The following DNAH9 variants were observed in gnomAD, a reference collection of about 807,000 sequenced individuals.
The protein encoded by DNAH9 is dynein axonemal heavy chain 9.
Under a neutral mutation model 471.6 loss-of-function variants are expected in DNAH9, and 345 were observed. The observed-to-expected ratio is 0.73, with a 90% CI of 0.67 to 0.80. The LOEUF (loss-of-function observed/expected upper bound fraction) is 0.80. Among genes scored for constraint, DNAH9 ranks in the 30% least tolerant of loss-of-function variants. The pLI is 0.00. For synonymous variants in DNAH9, 2,093 were observed against 2,123.6 expected (o/e 0.99, Z 0.40); for missense variants, 5,407 against 5,609.2 (o/e 0.96, Z 1.15).
chr17:11,818,880 T>C (rs1006808621), intron 45 of DNAH9, among the ~76,000 whole-genome samples: 4 of 125,114 alleles, frequency 3.2e-5, no homozygotes, highest in African/African-American at 1.2e-4. Context: ...CTGTCTCCAT[T>C]ATTACTATTA....
Position 11,967,493 on chromosome 17 carries a change from T to C in DNAH9, c.13234-1807T>C, listed in dbSNP as rs1011350378. Among the ~76,000 whole-genome samples the C allele has an allele frequency of 4.6e-5, 7 of 152,276 alleles. No individual in the cohort carries two copies. The East Asian group carries it at 9.6e-4, about 21-fold the overall frequency. On this transcript the variant is annotated intron_variant, in intron 68 of 68. Transcript: ENST00000262442. ...GAAATTAAAATGATACACTAGCGTA[T>C]ATCTGGTAATACAAGAGAAGACAGT... is the stretch of plus-strand genomic sequence containing the variant.
chr17:11,919,339 C>G (rs1485418212), intron 61 of DNAH9, among the ~76,000 whole-genome samples: 1 of 151,088 alleles, frequency 6.6e-6, no homozygotes, highest in East Asian at 2.0e-4. Context: ...ACTAAAAATA[C>G]AAAAAATTAG....
Position 11,966,999 on chromosome 17 carries a change from C to T in DNAH9, c.13234-2301C>T, listed in dbSNP as rs1377113747. 9.9e-5 allele frequency among the ~76,000 whole-genome samples: 14 copies of T among 141,260 alleles called. 1 individual carries two copies. Among genetic ancestry groups the T allele is most frequent in the African/African-American group, 1.9e-4 (7 of 37,422 alleles). 92.7% of individuals were successfully genotyped at this position (141,260 alleles called of 152,430 possible). A position where few individuals can be genotyped will look rare whatever the true frequency, so the allele number is the denominator to read the frequency against. On this transcript the variant is annotated intron_variant, in intron 68 of 68. Coordinates refer to ENST00000262442, the MANE Select transcript of DNAH9 (RefSeq NM_001372.4). ...GCAGTGAGCCGAGATCATGCCATTGCACTCCAGCCTGGGCAACAGAGTGAG... is the reference window on the plus strand; with the variant it reads ...GCAGTGAGCCGAGATCATGCCATTGTACTCCAGCCTGGGCAACAGAGTGAG...
intron 13 of DNAH9, 45 bp from the exon 14 acceptor site, chr17:11,652,716 C>A: frequency 6.3e-7 from 1 of 1,593,384 alleles, no homozygotes; most frequent in Non-Finnish European, 8.6e-7. Context: ...TTTAGCTATG[C>A]CACTGCAGGC....
intron 49 of DNAH9, among the ~76,000 whole-genome samples, chr17:11,852,770 C>A (rs1032693284): frequency 7.6e-6 from 1 of 132,338 alleles, no homozygotes. Flanking sequence ...GCATGGCAAC[C>A]GGCAGTATAT....
chr17:11,906,354 C>T (rs535852604), intron 61 of DNAH9, among the ~76,000 whole-genome samples: 109 of 152,196 alleles, frequency 7.2e-4, no homozygotes, highest in African/African-American at 2.4e-3. Context: ...CGGCTGGGCA[C>T]GGTGGCTGAC....
At chr17:11,883,113 G>A (rs1033916224) in intron 55 of DNAH9, 14 of 988,914 alleles carry the variant, frequency 1.4e-5, no homozygotes, top group African/African-American at 1.0e-4. Context: ...CTTTTACACA[G>A]TCTGCCATGG....
At chr17:11,722,796 G>A (rs756518798) in intron 27 of DNAH9, among the ~76,000 whole-genome samples, 1 of 152,158 alleles carries the variant, frequency 6.6e-6, no homozygotes, top group Non-Finnish European at 1.5e-5. Flanking sequence ...GAAAATGACT[G>A]CAGTTTCAGT....
At chr17:11,625,992 G>A (rs538165323) in intron 6 of DNAH9, among the ~76,000 whole-genome samples, 5 of 152,180 alleles carry the variant, frequency 3.3e-5, no homozygotes, top group African/African-American at 7.2e-5. Context: ...CCCATCTACA[G>A]GTTAGGAAAG....
chr17:11,738,454 C>G (rs1360397683), intron 28 of DNAH9, among the ~76,000 whole-genome samples: 1 of 152,146 alleles, frequency 6.6e-6, no homozygotes, highest in Non-Finnish European at 1.5e-5. Flanking sequence ...GATCTCGGCT[C>G]ACGGCAACCT....
intron 65 of DNAH9, among the ~76,000 whole-genome samples, chr17:11,935,090 G>A (rs1974661867): frequency 6.6e-6 from 1 of 151,466 alleles, no homozygotes; most frequent in Non-Finnish European, 1.5e-5. Context: ...TCAGCCTCCT[G>A]AGTAGCTGGG....
intron 36 of DNAH9, among the ~76,000 whole-genome samples, chr17:11,767,669 G>A (rs1453190760): frequency 6.6e-6 from 1 of 151,212 alleles, no homozygotes; most frequent in African/African-American, 2.5e-5. Context: ...CCAAAGAGTT[G>A]CCAGTAGTAA....
chr17:11,614,686 G>A (rs73975036), intron 4 of DNAH9, among the ~76,000 whole-genome samples: 2,301 of 152,280 alleles, frequency 0.015, 51 homozygotes, highest in African/African-American at 0.052. Context: ...TTGGGTGTCC[G>A]GTGAGGGCCT....
intron 28 of DNAH9, among the ~76,000 whole-genome samples, chr17:11,735,284 C>T (rs1013470962): frequency 2.0e-5 from 3 of 152,040 alleles, no homozygotes; most frequent in Non-Finnish European, 2.9e-5. Context: ...CACTGAATGC[C>T]GACAGCAACC....
At chr17:11,645,873 CTTTTTCTTT>C (rs200906943) in intron 11 of DNAH9, among the ~76,000 whole-genome samples, 36,077 of 138,314 alleles carry the variant, frequency 0.26, 4,789 homozygotes, top group Middle Eastern at 0.35. Context: ...TTCTCTTTTT[CTTTTTCTTT>C]TTTTTTTTTT....
chr17:11,968,128 G>A lies in DNAH9; in HGVS notation c.13234-1172G>A, dbSNP rs60344377. On this transcript the variant is annotated intron_variant, in intron 68 of 68. Transcript: ENST00000262442. Reference sequence around the variant, plus strand: ...TTAGAATTAGACAGTGATAATGATCGTACAACTTTGTCAACACACCAAAAA... The same window carrying A: ...TTAGAATTAGACAGTGATAATGATCATACAACTTTGTCAACACACCAAAAA... Among the ~76,000 whole-genome samples, 1,022 of 152,202 alleles carry A rather than the reference G, an allele frequency of 6.7e-3. 9 individuals carry two copies. Among genetic ancestry groups the A allele is most frequent in the East Asian group, 0.043 (223 of 5,178 alleles).
In DNAH9 at chr17:11,946,061, G is replaced by A. The variant is rs190047100; in HGVS notation, c.12843+3576G>A. On this transcript the variant is annotated intron_variant, in intron 67 of 68. Coordinates refer to ENST00000262442, the MANE Select transcript of DNAH9 (RefSeq NM_001372.4). ...TAAAAAATACAAAAATTAGCCAGGC[G>A]TGGTGGCACGCACCTGTAATCCCAG... 4.0e-3 allele frequency among the ~76,000 whole-genome samples: 609 copies of A among 151,974 alleles called. 1 individual carries two copies. Among genetic ancestry groups the A allele is most frequent in the Admixed American group, 7.2e-3 (110 of 15,256 alleles).
intron 23 of DNAH9, among the ~76,000 whole-genome samples, chr17:11,700,682 C>A (rs144727564): frequency 1.6e-4 from 24 of 152,236 alleles, no homozygotes; most frequent in African/African-American, 5.3e-4. Context: ...ATGAGGGTGG[C>A]CCTGGGGTTT....
chr17:11,906,699 G>A (rs1973615148), intron 61 of DNAH9, among the ~76,000 whole-genome samples: 2 of 151,572 alleles, frequency 1.3e-5, no homozygotes, highest in African/African-American at 2.4e-5. Context: ...AAAAAGGAAT[G>A]AGATCATGTC....
Sources: gnomAD v4.1 joint callset for allele counts (sites outside exome capture counted in the v4.1 genomes callset) on GRCh38, gnomAD v4.1.1 for gene constraint, MANE v1.5 for transcripts, NCBI Gene and HGNC (gene_info 2026-07-23, HGNC 2026-07-21) for gene names.